The following MCM10 variants were observed in gnomAD, a reference collection of about 807,000 sequenced individuals.
The protein encoded by MCM10 is minichromosome maintenance 10 replication initiation factor.
Under a neutral mutation model 109.9 loss-of-function variants are expected in MCM10, and 91 were observed. The ratio of observed to expected loss-of-function variants is 0.83; its 90% CI spans 0.70 to 0.99. MCM10 has a LOEUF of 0.99. Ranked by LOEUF, MCM10 falls within the 50% of genes least tolerant of loss-of-function variation. The pLI, the probability that MCM10 is intolerant of heterozygous loss-of-function variation, is 0.00. For synonymous variants in MCM10, 380 were observed against 387.2 expected, an observed-to-expected ratio of 0.98 and a Z score of 0.22; for missense variants, 1,077 against 1,061.2, an observed-to-expected ratio of 1.01 and a Z score of -0.21.
intron 9 of MCM10, among the ~76,000 whole-genome samples, chr10:13,187,872 C>T (rs534317625): frequency 4.9e-4 from 75 of 152,216 alleles, no homozygotes; most frequent in African/African-American, 1.8e-3. Context: ...CTGGATGGGG[C>T]GGTGGCTCAC....
At chr10:13,203,203 G>A (rs1049446302) in intron 17 of MCM10, among the ~76,000 whole-genome samples, 1 of 152,106 alleles carries the variant, frequency 6.6e-6, no homozygotes, top group Non-Finnish European at 1.5e-5. Flanking sequence ...CTACAATCAG[G>A]GTGTAGCCAG....
At chr10:13,179,323 G>A (rs1834179805) in intron 6 of MCM10, among the ~76,000 whole-genome samples, 1 of 152,086 alleles carries the variant, frequency 6.6e-6, no homozygotes, top group Non-Finnish European at 1.5e-5. Context: ...AGGGACATCT[G>A]CTCCTTGGCT....
intron 3 of MCM10, 62 bp downstream of exon 3, chr10:13,171,325 GAT>G: frequency 7.2e-7 from 1 of 1,390,158 alleles, no homozygotes; most frequent in Non-Finnish European, 9.7e-7. Flanking sequence ...CCACCAATCT[GAT>G]AGTTGTCATC....
intron 15 of MCM10, among the ~76,000 whole-genome samples, chr10:13,198,028 T>C (rs1834446145): frequency 6.6e-6 from 1 of 151,860 alleles, no homozygotes; most frequent in Admixed American, 6.6e-5. Flanking sequence ...TCCTCCTGCC[T>C]CAGCCTCACG....
At chr10:13,203,930 C>G (rs1834533799) in intron 17 of MCM10, among the ~76,000 whole-genome samples, 1 of 152,196 alleles carries the variant, frequency 6.6e-6, no homozygotes, top group Admixed American at 6.5e-5. Context: ...CTCTCCTGCC[C>G]TTGCTGTTGT....
At chr10:13,183,361 G>A (rs1021888320) in intron 8 of MCM10, among the ~76,000 whole-genome samples, 16 of 152,064 alleles carry the variant, frequency 1.1e-4, no homozygotes, top group African/African-American at 3.6e-4. Context: ...AGGAGGCTGC[G>A]GTGGGAGGTT....
Position 13,186,188 on chromosome 10 carries a change from C to T in MCM10, c.1123C>T (p.Gln375Ter). Reference sequence around the variant, plus strand: ...GGTGTGTTTATCTATCGATCATCCTCAGAAGGTCTTAATTATGGGTGAAGC... The same window carrying T: ...GGTGTGTTTATCTATCGATCATCCTTAGAAGGTCTTAATTATGGGTGAAGC... ...EEVCLSIDHP[Q>*]KVLIMGEALD... The change falls in exon 9 of 20, where the codon CAG (glutamine) becomes TAG (stop). Residue 375 changes from glutamine (Q) to a stop codon, truncating the protein, a stop_gained. Transcript: ENST00000378714. LOFTEE classifies it high-confidence loss of function. 6.2e-7 allele frequency: 1 copy of T among 1,612,222 alleles called. No individual in the cohort carries two copies.
chr10:13,175,587 G>T lies in MCM10; in HGVS notation c.670G>T (p.Gly224Trp), dbSNP rs755226197. Residue 224 changes from glycine (G) to tryptophan (W), a missense_variant, in exon 6 of 20, where the codon GGG becomes TGG. Physicochemically the swap from Gly to Trp is radical, Grantham distance 184. Transcript: ENST00000378714. ...GACGATTTCTCGGAACAAACCTAGT[G>T]GGATAACTAGAGGTCAAATTGTGGG... ...LQTISRNKPSGITRGQIVGTP... is the reference protein window; with the variant it reads ...LQTISRNKPSWITRGQIVGTP... The T allele has an allele frequency of 9.9e-6, 16 of 1,613,964 alleles. No homozygotes were observed. In the Admixed American group the frequency reaches 2.5e-4, roughly 25 times the overall value.
chr10:13,162,200 G>C (rs1274987570), intron 1 of MCM10, among the ~76,000 whole-genome samples: 1 of 152,188 alleles, frequency 6.6e-6, no homozygotes, highest in Non-Finnish European at 1.5e-5. Flanking sequence ...GGCTGGCCCG[G>C]CTGGAGCATC....
At chr10:13,205,123 G>A (rs192160273) in intron 18 of MCM10, among the ~76,000 whole-genome samples, 2 of 150,164 alleles carry the variant, frequency 1.3e-5, no homozygotes, top group Non-Finnish European at 2.9e-5. Context: ...TAGTAAAGTC[G>A]GGGCTTTTAG....
At chr10:13,200,997 T>G (rs1183162118) in intron 16 of MCM10, among the ~76,000 whole-genome samples, 2 of 151,882 alleles carry the variant, frequency 1.3e-5, no homozygotes, top group East Asian at 1.9e-4. Context: ...ATCCAAAAAT[T>G]TAGCTGGGCA....
rs1488631195 is a variant in MCM10 at position 13,162,735 on chromosome 10, T to C, written c.-76+1129T>C. Among the ~76,000 whole-genome samples, 5 of 152,126 alleles carry C rather than the reference T, an allele frequency of 3.3e-5. No individual in the cohort carries two copies. In the East Asian group the frequency reaches 5.8e-4, roughly 18 times the overall value. ...ACTGTCCAATAGGTTCCCCAGTAGA[T>C]AGCACAGTGTGTGGCACATGAGGGA... On this transcript the variant is annotated intron_variant, in intron 1 of 19. Transcript: ENST00000378714.
intron 14 of MCM10, among the ~76,000 whole-genome samples, chr10:13,196,854 T>C (rs1316024857): frequency 6.6e-6 from 1 of 152,118 alleles, no homozygotes; most frequent in African/African-American, 2.4e-5. Flanking sequence ...TTTGCAGATA[T>C]TATCTTATTT....
In MCM10 at chr10:13,182,909, A is replaced by C; in HGVS notation, c.931-24A>C. On this transcript the variant is annotated intron_variant, in intron 7 of 19. Coordinates refer to ENST00000378714, the MANE Select transcript of MCM10 (RefSeq NM_018518.5). The surrounding 1 kb of genome is among the most constrained non-coding windows in gnomAD (Gnocchi z 4.2). ...ACGGCATAACCTACAGTTCAAAATT[A>C]TAAAAAATAACTATTTGTTCCAGGG... The C allele has an allele frequency of 6.3e-7, 1 of 1,596,988 alleles. No individual in the cohort carries two copies. Among genetic ancestry groups the C allele is most frequent in the Non-Finnish European group, 8.6e-7 (1 of 1,168,722 alleles).
Position 13,175,654 on chromosome 10 carries a change from T to A in MCM10, c.737T>A (p.Val246Glu). The change falls in exon 6 of 20, where the codon GTG (valine) becomes GAG (glutamate). Residue 246 changes from valine to glutamate, a missense_variant. Val to Glu is a moderately radical substitution (Grantham distance 121). Coordinates refer to ENST00000378714, the MANE Select transcript of MCM10 (RefSeq NM_018518.5). ...GGGGAAACGACTCAACCCATCTGTG[T>A]GGAAGCCTTCTCTGGTCTGCGGCTC... ...SSGETTQPIC[V>E]EAFSGLRLRR... 6.2e-7 allele frequency: 1 copy of A among 1,611,036 alleles called. No individual in the cohort carries two copies. Among genetic ancestry groups the A allele is most frequent in the Non-Finnish European group, 8.5e-7 (1 of 1,178,234 alleles).
At chr10:13,184,789 G>A (rs569127748) in intron 8 of MCM10, among the ~76,000 whole-genome samples, 1 of 152,270 alleles carries the variant, frequency 6.6e-6, no homozygotes, top group South Asian at 2.1e-4. Flanking sequence ...TTTCTCTCCT[G>A]GTCACAAGAT....
At chr10:13,194,231 G>A (rs1404020272) in intron 13 of MCM10, among the ~76,000 whole-genome samples, 2 of 152,144 alleles carry the variant, frequency 1.3e-5, no homozygotes, top group African/African-American at 2.4e-5. Context: ...GGGCATGGTG[G>A]TGCACACTGT....
chr10:13,206,393 T>C (rs1310844895), intron 18 of MCM10, among the ~76,000 whole-genome samples: 1 of 152,182 alleles, frequency 6.6e-6, no homozygotes, highest in East Asian at 1.9e-4. Context: ...CTCACTGGGA[T>C]AGTATCACTG....
In MCM10 at chr10:13,171,209, AG is replaced by A; in HGVS notation, c.298del (p.Val100SerfsTer20). 6.2e-7 allele frequency: 1 copy of A among 1,614,204 alleles called. No individual in the cohort carries two copies. Among genetic ancestry groups the A allele is most frequent in the Non-Finnish European group, 8.5e-7 (1 of 1,180,018 alleles). On this transcript the variant is annotated frameshift_variant, in exon 3 of 20. Transcript: ENST00000378714. LOFTEE classifies it high-confidence loss of function. ...EVPASQSTEN[R>X]VLPAPAPRRE... ...TCCCGCATCACAGTCAACTGAAAATAGGGTCCTCCCTGCTCCTGCCCCCAGG... is the reference window on the plus strand; with the variant it reads ...TCCCGCATCACAGTCAACTGAAAATAGGTCCTCCCTGCTCCTGCCCCCAGG...
Sources: allele counts gnomAD v4.1 joint callset (sites outside exome capture counted in the v4.1 genomes callset), GRCh38; gene constraint gnomAD v4.1.1; non-coding constraint Gnocchi (gnomAD v3.1); transcripts MANE v1.5; gene names NCBI Gene and HGNC (gene_info 2026-07-23, HGNC 2026-07-21).